SOX5: variants seen among roughly 807,000 people sequenced by gnomAD.
The protein encoded by SOX5 is transcription factor SOX-5.
In SOX5, 9 loss-of-function variants were observed where a neutral mutation model predicts 92.0. The observed-to-expected ratio is 0.10, with a 90% CI of 0.06 to 0.17. SOX5 has a LOEUF of 0.17. Among genes scored for constraint, SOX5 ranks in the 10% least tolerant of loss-of-function variants. The pLI is 1.00. For synonymous variants in SOX5, 344 were observed against 336.3 expected, an observed-to-expected ratio of 1.02 and a Z score of -0.25; for missense variants, 642 against 944.5, an observed-to-expected ratio of 0.68 and a Z score of 4.20.
chr12:24,121,746 C>T (rs572563848), intron 4 of SOX5, among the ~76,000 whole-genome samples: 159 of 151,154 alleles, frequency 1.1e-3, no homozygotes, highest in African/African-American at 3.6e-3. Flanking sequence ...ATCAGCCAGG[C>T]GCGGTGGTAG....
intron 3 of SOX5, among the ~76,000 whole-genome samples, chr12:24,271,440 T>A (rs1031657017): frequency 1.3e-5 from 2 of 152,230 alleles, no homozygotes; most frequent in Non-Finnish European, 2.9e-5. Flanking sequence ...CAATGATGTT[T>A]TTGAAATTTA....
chr12:24,136,367 G>A (rs187768957), intron 4 of SOX5, among the ~76,000 whole-genome samples: 104 of 152,358 alleles, frequency 6.8e-4, no homozygotes, highest in African/African-American at 2.4e-3. Context: ...ACTTTTAATA[G>A]CTATCCTGGA....
chr12:23,949,553 A>C lies in SOX5; in HGVS notation c.38+11T>G. On this transcript the variant is annotated intron_variant, in intron 1 of 14. Coordinates refer to ENST00000451604, the MANE Select transcript of SOX5 (RefSeq NM_006940.6). Reference sequence around the variant, plus strand: ...TACTTCAATATATTAGGGGGAAAAAACTGTACTCACCTTTCAAACTCCTGA... The same window carrying C: ...TACTTCAATATATTAGGGGGAAAAACCTGTACTCACCTTTCAAACTCCTGA... The C allele has an allele frequency of 6.2e-7, 1 of 1,613,572 alleles. No individual in the cohort carries two copies. The highest frequency in any genetic ancestry group is 8.5e-7 in the Non-Finnish European group (1 of 1,179,568).
At chr12:24,350,276 T>C (rs1213896008) in intron 2 of SOX5, among the ~76,000 whole-genome samples, 1 of 152,246 alleles carries the variant, frequency 6.6e-6, no homozygotes, top group Non-Finnish European at 1.5e-5. Flanking sequence ...TCCCTCTTTC[T>C]TACTTGCTCC....
At chr12:24,164,289 A>C (rs144606598) in intron 4 of SOX5, among the ~76,000 whole-genome samples, 2 of 152,186 alleles carry the variant, frequency 1.3e-5, no homozygotes, top group East Asian at 1.9e-4. Flanking sequence ...AGAGTATATA[A>C]AGTTAAAGCT....
intron 4 of SOX5, among the ~76,000 whole-genome samples, chr12:24,139,641 C>A (rs1200654607): frequency 1.3e-5 from 2 of 152,112 alleles, no homozygotes; most frequent in African/African-American, 4.8e-5. Flanking sequence ...CTGTTTTGAA[C>A]AATTTTATTT....
At chr12:24,250,197 T>C (rs536188003) in intron 3 of SOX5, among the ~76,000 whole-genome samples, 1 of 152,328 alleles carries the variant, frequency 6.6e-6, no homozygotes, top group African/African-American at 2.4e-5. Flanking sequence ...TTTATGATGG[T>C]AAAGTTTTTG....
At chr12:23,627,882 T>A (rs80331093) in intron 8 of SOX5, among the ~76,000 whole-genome samples, 1 of 151,866 alleles carries the variant, frequency 6.6e-6, no homozygotes, top group Non-Finnish European at 1.5e-5. Context: ...AACTGGTTAC[T>A]CACTCTCAGT....
Position 24,500,680 on chromosome 12 carries a change from C to A in SOX5, c.-251+61649G>T, listed in dbSNP as rs1399188897. Among the ~76,000 whole-genome samples, 5 of 152,202 alleles carry A rather than the reference C, an allele frequency of 3.3e-5. No individual in the cohort carries two copies. In the East Asian group the frequency reaches 9.6e-4, roughly 29 times the overall value. Reference sequence around the variant, plus strand: ...GAAGAATATTGCCTTTCAAAACGCTCCATTTCTCTGCCTGTTGTACTATTA... The same window carrying A: ...GAAGAATATTGCCTTTCAAAACGCTACATTTCTCTGCCTGTTGTACTATTA... On this transcript the variant is annotated intron_variant, in intron 1 of 4. Transcript: ENST00000446891.
At chr12:23,689,327 A>G (rs2139997379) in intron 6 of SOX5, among the ~76,000 whole-genome samples, 1 of 152,234 alleles carries the variant, frequency 6.6e-6, no homozygotes, top group African/African-American at 2.4e-5. Context: ...CCAACTTTTT[A>G]AAAGCTTGGC....
At chr12:23,871,444 G>T (rs539344494) in intron 2 of SOX5, among the ~76,000 whole-genome samples, 1 of 152,252 alleles carries the variant, frequency 6.6e-6, no homozygotes, top group East Asian at 1.9e-4. Flanking sequence ...GCCAATTTCA[G>T]ACCCAAAATG....
Position 23,595,049 on chromosome 12 carries a change from A to T in SOX5, c.1164+9338T>A, listed in dbSNP as rs147429147. ...AAATTACCCATTTGTTTAATTGCCC[A>T]TAGTTCGCTTCTCCCCATTACACTG... On this transcript the variant is annotated intron_variant, in intron 9 of 14. Coordinates refer to ENST00000451604, the MANE Select transcript of SOX5 (RefSeq NM_006940.6). Among the ~76,000 whole-genome samples the T allele has an allele frequency of 2.6e-3, 394 of 152,296 alleles. 5 individuals are homozygous for T. The highest frequency in any genetic ancestry group is 9.1e-3 in the African/African-American group (377 of 41,558).
chr12:23,960,670 T>C (rs1321574944), intron 4 of SOX5, among the ~76,000 whole-genome samples: 1 of 150,866 alleles, frequency 6.6e-6, no homozygotes, highest in Non-Finnish European at 1.5e-5. Context: ...TATACACTGA[T>C]ATAAAAAGAT....
In SOX5 at chr12:24,031,295, G is replaced by A. The variant is rs376022231; in HGVS notation, c.-1-135271C>T. On this transcript the variant is annotated intron_variant, in intron 4 of 4. Coordinates refer to the SOX5 transcript ENST00000446891. ...CATTATTCACAATAGCCAAGATACA[G>A]AGTCAACCTGTGTCCAGTGGTAGAT... Among the ~76,000 whole-genome samples the A allele has an allele frequency of 3.3e-5, 5 of 151,806 alleles. No homozygotes were observed. In the East Asian group the frequency reaches 5.8e-4, roughly 18 times the overall value.
intron 2 of SOX5, among the ~76,000 whole-genome samples, chr12:24,288,230 A>G (rs1479880529): frequency 1.3e-5 from 2 of 152,118 alleles, no homozygotes; most frequent in African/African-American, 2.4e-5. Flanking sequence ...GCTTCTAAAC[A>G]TCCTACAGTG....
chr12:24,479,572 C>T (rs1244914076), intron 1 of SOX5, among the ~76,000 whole-genome samples: 1 of 152,170 alleles, frequency 6.6e-6, no homozygotes, highest in Admixed American at 6.5e-5. Context: ...TAAGACAATA[C>T]TCGCACATAT....
At chr12:24,152,646 C>T (rs1031595661) in intron 4 of SOX5, among the ~76,000 whole-genome samples, 3 of 151,750 alleles carry the variant, frequency 2.0e-5, no homozygotes, top group African/African-American at 2.4e-5. Flanking sequence ...TGAACACATT[C>T]GATTTATTGT....
chr12:23,685,211 A>G (rs1042107611), intron 6 of SOX5, among the ~76,000 whole-genome samples: 4 of 151,614 alleles, frequency 2.6e-5, no homozygotes, highest in African/African-American at 9.7e-5. Context: ...TTTTTCTTCT[A>G]CTCCCTTTCT....
At chr12:24,171,906 A>C (rs375168979) in intron 4 of SOX5, among the ~76,000 whole-genome samples, 15 of 152,206 alleles carry the variant, frequency 9.9e-5, no homozygotes, top group African/African-American at 3.6e-4. Context: ...TTTCACAGAG[A>C]AAGTGGCATT....
Sources: gnomAD v4.1 joint callset for allele counts (sites outside exome capture counted in the v4.1 genomes callset) on GRCh38, gnomAD v4.1.1 for gene constraint, MANE v1.5 for transcripts, NCBI Gene and HGNC (gene_info 2026-07-23, HGNC 2026-07-21) for gene names.